Variants in MAD1L1 observed in about 807,000 individuals in gnomAD.
MAD1L1 encodes the protein mitotic spindle assembly checkpoint protein MAD1.
Under a neutral mutation model 96.9 loss-of-function variants are expected in MAD1L1, and 95 were observed. The observed-to-expected ratio is 0.98, with a 90% CI of 0.83 to 1.16. MAD1L1 has a LOEUF of 1.16. MAD1L1 is among the 50% of genes most tolerant of loss of function. The pLI is 0.00. For synonymous variants in MAD1L1, 473 were observed against 396.6 expected (o/e 1.19, Z -2.29); for missense variants, 1,007 against 954.4 (o/e 1.06, Z -0.73).
rs1222716400 is a variant in MAD1L1, at chr7:2,014,725, G to A, written c.1219-83C>T. 2.7e-6 allele frequency: 4 copies of A among 1,454,790 alleles called. No homozygotes were observed. In the African/African-American group the frequency reaches 4.2e-5, roughly 15 times the overall value. 90.1% of individuals were successfully genotyped at this position (1,454,790 alleles called of 1,614,324 possible). A position where few individuals can be genotyped will look rare whatever the true frequency, so the allele number is the denominator to read the frequency against. ...AGACGGCTCAGGGAAGGCCCCACGA[G>A]AGCTGGGTCACGCGGGGGCTCCCTC... On this transcript the variant is annotated intron_variant, in intron 12 of 18. Coordinates refer to ENST00000265854, the MANE Select transcript of MAD1L1 (RefSeq NM_001013836.2).
chr7:1,872,147 C>T (rs779909984), intron 18 of MAD1L1, among the ~76,000 whole-genome samples: 28 of 152,190 alleles, frequency 1.8e-4, no homozygotes, highest in Non-Finnish European at 3.7e-4. Context: ...TCCCCTGTCC[C>T]GCGACAGAGA....
chr7:2,169,068 A>G (rs1790580944), intron 10 of MAD1L1, among the ~76,000 whole-genome samples: 1 of 152,250 alleles, frequency 6.6e-6, no homozygotes, highest in African/African-American at 2.4e-5. Flanking sequence ...CAGAACAGGA[A>G]GAACCGGAAA....
chr7:1,952,280 C>T (rs1047198113), intron 16 of MAD1L1, among the ~76,000 whole-genome samples: 3 of 152,238 alleles, frequency 2.0e-5, no homozygotes, highest in African/African-American at 7.2e-5. Context: ...ATAGAAAACA[C>T]GATGCTGCTC....
intron 18 of MAD1L1, among the ~76,000 whole-genome samples, chr7:1,884,472 G>A (rs986393398): frequency 6.6e-6 from 1 of 152,212 alleles, no homozygotes; most frequent in East Asian, 1.9e-4. Context: ...TTGGGTCAGG[G>A]GCCTAGCCGG....
At chr7:2,002,737 C>T (rs1165730786) in intron 13 of MAD1L1, among the ~76,000 whole-genome samples, 1 of 152,230 alleles carries the variant, frequency 6.6e-6, no homozygotes, top group African/African-American at 2.4e-5. Flanking sequence ...CCTAACAGGC[C>T]TCATGGAGCA....
chr7:2,078,871 G>A (rs1785501614), intron 11 of MAD1L1, among the ~76,000 whole-genome samples: 1 of 152,250 alleles, frequency 6.6e-6, no homozygotes, highest in Non-Finnish European at 1.5e-5. Flanking sequence ...AAGGGGCTCA[G>A]AAGCCACCGT....
chr7:1,957,368 C>T (rs1234395860), intron 16 of MAD1L1, among the ~76,000 whole-genome samples: 1 of 152,228 alleles, frequency 6.6e-6, no homozygotes, highest in Non-Finnish European at 1.5e-5. Flanking sequence ...GGGCATAGTG[C>T]AAATCTGCCC....
chr7:2,089,792 G>A lies in MAD1L1; in HGVS notation c.1074-20454C>T, dbSNP rs1484413456. Reference sequence around the variant, plus strand: ...CCAAGTGCACACCTTCTAAAGGAACGGGCTTCCAAAACAAAGTGTCCAATA... The same window carrying A: ...CCAAGTGCACACCTTCTAAAGGAACAGGCTTCCAAAACAAAGTGTCCAATA... On this transcript the variant is annotated intron_variant, in intron 11 of 18. Transcript: ENST00000265854. Among the ~76,000 whole-genome samples the A allele has an allele frequency of 5.3e-5, 8 of 152,246 alleles. No individual in the cohort carries two copies. The East Asian group carries it at 5.8e-4, about 11-fold the overall frequency.
At chr7:1,878,286 G>A (rs983039116) in intron 18 of MAD1L1, among the ~76,000 whole-genome samples, 2 of 151,834 alleles carry the variant, frequency 1.3e-5, no homozygotes, top group African/African-American at 2.4e-5. Flanking sequence ...GAAAAAAGAG[G>A]AGGAGGGAAC....
chr7:1,976,047 C>T (rs1445903780), intron 15 of MAD1L1, among the ~76,000 whole-genome samples: 1 of 152,262 alleles, frequency 6.6e-6, no homozygotes, highest in Non-Finnish European at 1.5e-5. Context: ...TCCCCACCGA[C>T]GCTCTCTCTA....
intron 11 of MAD1L1, among the ~76,000 whole-genome samples, chr7:2,097,093 A>G (rs2128548650): frequency 6.6e-6 from 1 of 152,238 alleles, no homozygotes; most frequent in East Asian, 1.9e-4. Flanking sequence ...TGAAAGGGGA[A>G]GGGGGCAGCC....
At chr7:1,963,278 G>A (rs761023686) in intron 15 of MAD1L1, among the ~76,000 whole-genome samples, 7 of 152,162 alleles carry the variant, frequency 4.6e-5, no homozygotes, top group Non-Finnish European at 8.8e-5. Flanking sequence ...TGTGCACAGT[G>A]ATCTCTCCCC....
chr7:2,160,265 A>G (rs1219257200), intron 10 of MAD1L1, among the ~76,000 whole-genome samples: 2 of 151,748 alleles, frequency 1.3e-5, no homozygotes, highest in Non-Finnish European at 2.9e-5. Flanking sequence ...AAGATAAACA[A>G]GAAAATAACA....
At chr7:1,847,610 T>A (rs776951897) in intron 18 of MAD1L1, 5 of 471,066 alleles carry the variant, frequency 1.1e-5, no homozygotes, top group South Asian at 7.7e-5. Context: ...CATGGAGATC[T>A]CAGCCCTGGG....
chr7:2,004,195 G>A (rs1781927943), intron 13 of MAD1L1, among the ~76,000 whole-genome samples: 1 of 152,304 alleles, frequency 6.6e-6, no homozygotes, highest in South Asian at 2.1e-4. Context: ...AAACAGGGGG[G>A]ACGACAACAA....
chr7:1,851,428 G>T (rs143137991), intron 18 of MAD1L1, among the ~76,000 whole-genome samples: 1 of 152,192 alleles, frequency 6.6e-6, no homozygotes, highest in Middle Eastern at 3.2e-3. Context: ...GACCTCGAAC[G>T]TGCCATCCTC....
intron 10 of MAD1L1, among the ~76,000 whole-genome samples, chr7:2,197,316 G>A (rs544241370): frequency 6.6e-6 from 1 of 152,294 alleles, no homozygotes; most frequent in South Asian, 2.1e-4. Flanking sequence ...CTAGATCTGA[G>A]AGGACTGGAA....
chr7:1,937,747 C>T (rs76257255), intron 16 of MAD1L1, among the ~76,000 whole-genome samples: 1 of 1,656 alleles, frequency 6.0e-4, no homozygotes, highest in Non-Finnish European at 1.4e-3. Flanking sequence ...CGACCTCACG[C>T]CACACACAAA....
chr7:1,904,487 A>G (rs1787492824), intron 17 of MAD1L1, among the ~76,000 whole-genome samples: 1 of 136,226 alleles, frequency 7.3e-6, no homozygotes, highest in Non-Finnish European at 1.5e-5. Context: ...GGCAGCGAGG[A>G]CGCAGTGGCC....
Sources: gnomAD v4.1 joint callset for allele counts (sites outside exome capture counted in the v4.1 genomes callset) on GRCh38, gnomAD v4.1.1 for gene constraint, MANE v1.5 for transcripts, NCBI Gene and HGNC (gene_info 2026-07-23, HGNC 2026-07-21) for gene names.